Variants in CDH9 observed in about 807,000 individuals in gnomAD.
The protein encoded by CDH9 is cadherin 9, also known as cadherin-9.
A neutral mutation model predicts 70.9 loss-of-function variants in CDH9; 28 were observed. The ratio of observed to expected loss-of-function variants is 0.40; its 90% confidence interval spans 0.29 to 0.54. The LOEUF is 0.54. Among genes scored for constraint, CDH9 ranks in the 20% least tolerant of loss-of-function variants. CDH9 has a pLI of 0.59. For missense variants in CDH9, 874 were observed against 984.4 expected, an observed-to-expected ratio of 0.89 and a Z score of 1.50; for synonymous variants, 409 against 343.1, an observed-to-expected ratio of 1.19 and a Z score of -2.12.
At chr5:27,017,804 C>T (rs982771798) in intron 1 of CDH9, among the ~76,000 whole-genome samples, 1 of 152,088 alleles carries the variant, frequency 6.6e-6, no homozygotes, top group African/African-American at 2.4e-5. Flanking sequence ...TAGAAGCTGG[C>T]AGGAATCCAG....
intron 2 of CDH9, among the ~76,000 whole-genome samples, chr5:26,986,483 G>A (rs1742490233): frequency 6.6e-6 from 1 of 152,074 alleles, no homozygotes; most frequent in African/African-American, 2.4e-5. Flanking sequence ...GAACAAGAAT[G>A]GTGGTCAATT....
At chr5:26,884,378 T>C (rs1372492756) in intron 11 of CDH9, among the ~76,000 whole-genome samples, 2 of 152,180 alleles carry the variant, frequency 1.3e-5, no homozygotes, top group African/African-American at 4.8e-5. Flanking sequence ...CATGTTGTTC[T>C]AAATTAGGAA....
intron 1 of CDH9, among the ~76,000 whole-genome samples, chr5:27,020,190 G>A (rs1235165717): frequency 4.6e-5 from 7 of 151,548 alleles, no homozygotes; most frequent in Non-Finnish European, 1.0e-4. Context: ...TACAAATAAT[G>A]CCATGTCAAT....
chr5:27,030,348 CTT>C (rs3841122), intron 1 of CDH9, among the ~76,000 whole-genome samples: 1 of 150,834 alleles, frequency 6.6e-6, no homozygotes, highest in Non-Finnish European at 1.5e-5. Context: ...GAAAAAGCCA[CTT>C]TTTTTTTAGC....
chr5:26,945,398 ATCT>A (rs1741735286), intron 2 of CDH9, among the ~76,000 whole-genome samples: 1 of 152,138 alleles, frequency 6.6e-6, no homozygotes, highest in African/African-American at 2.4e-5. Context: ...AAAAAGGCTA[ATCT>A]TCATTTAAAT....
chr5:26,911,922 G>A (rs1449095900), intron 3 of CDH9, among the ~76,000 whole-genome samples: 1 of 152,034 alleles, frequency 6.6e-6, no homozygotes, highest in East Asian at 1.9e-4. Context: ...AACTGAAGCA[G>A]AGGGAAACAA....
Position 26,890,463 on chromosome 5 carries a change from G to A in CDH9, c.1355C>T (p.Pro452Leu), listed in dbSNP as rs762037380. The A allele has an allele frequency of 3.7e-6, 6 of 1,613,544 alleles. No individual in the cohort carries two copies. Among genetic ancestry groups the A allele is most frequent in the Non-Finnish European group, 5.1e-6 (6 of 1,179,528 alleles). ...GGCTGTAACAGTGATGTTATGCCAA[G>A]GAGATGATTCCCGGTCAAGGGCTTT... is the stretch of plus-strand genomic sequence containing the variant. ...TLKALDRESS[P>L]WHNITVTATE... The change falls in exon 8 of 12, where the codon CCT becomes CTT. Residue 452 changes from proline to leucine, a missense_variant. Transcript: ENST00000231021.
In CDH9 at chr5:26,979,407, A is replaced by T. The variant is rs116477995; in HGVS notation, c.228+8699T>A. Among the ~76,000 whole-genome samples the T allele has an allele frequency of 3.6e-3, 546 of 151,518 alleles. 7 individuals carry two copies. Among genetic ancestry groups the T allele is most frequent in the African/African-American group, 0.013 (526 of 41,404 alleles). On this transcript the variant is annotated intron_variant, in intron 2 of 11. Transcript: ENST00000231021. The stretch of plus-strand genomic sequence containing the variant: ...TAGCCAATAAAGAGCATAAACATAG[A>T]TGTTTAAAAAAATGATTAATTGTTC...
Position 26,881,628 on chromosome 5 carries a change from T to C in CDH9, c.1883-5A>G. ...CAGCAAACAACACGACTAAAACTAT[T>C]AATAAGAAATGGGAAAATAGTGAGA... On this transcript the variant is annotated splice_polypyrimidine_tract_variant and splice_region_variant and intron_variant, in intron 11 of 11. Coordinates refer to ENST00000231021, the MANE Select transcript of CDH9 (RefSeq NM_016279.4). 6.3e-7 allele frequency: 1 copy of C among 1,595,242 alleles called. No homozygotes were observed. Among genetic ancestry groups the C allele is most frequent in the Non-Finnish European group, 8.5e-7 (1 of 1,174,530 alleles).
intron 2 of CDH9, among the ~76,000 whole-genome samples, chr5:26,953,875 A>G (rs955879241): frequency 3.3e-5 from 5 of 152,286 alleles, no homozygotes; most frequent in Admixed American, 3.3e-4. Context: ...CCTTTTCAAA[A>G]TATGAATCAG....
At chr5:26,920,377 T>C (rs1232654509) in intron 2 of CDH9, among the ~76,000 whole-genome samples, 3 of 151,914 alleles carry the variant, frequency 2.0e-5, no homozygotes, top group Non-Finnish European at 2.9e-5. Context: ...ATTTATAAGG[T>C]TCCTGACTTC....
chr5:27,014,279 C>G (rs1431605468), intron 1 of CDH9, among the ~76,000 whole-genome samples: 3 of 152,000 alleles, frequency 2.0e-5, no homozygotes, highest in African/African-American at 7.2e-5. Flanking sequence ...GTGCCCCCAG[C>G]ATTTCTGAAG....
At chr5:26,921,773 G>A (rs1741248230) in intron 2 of CDH9, among the ~76,000 whole-genome samples, 1 of 151,974 alleles carries the variant, frequency 6.6e-6, no homozygotes, top group South Asian at 2.1e-4. Context: ...TTCCAAGTGA[G>A]TCTAAGAACC....
chr5:26,963,765 T>C (rs894576943), intron 2 of CDH9, among the ~76,000 whole-genome samples: 2 of 152,136 alleles, frequency 1.3e-5, no homozygotes, highest in Non-Finnish European at 2.9e-5. Flanking sequence ...TCAATGGATA[T>C]TATGATGTAA....
At chr5:26,955,493 G>A (rs562993982) in intron 2 of CDH9, among the ~76,000 whole-genome samples, 9 of 151,906 alleles carry the variant, frequency 5.9e-5, no homozygotes, top group African/African-American at 1.9e-4. Flanking sequence ...TCCTTGGCTC[G>A]TAGCCCCATT....
intron 1 of CDH9, among the ~76,000 whole-genome samples, chr5:27,019,091 C>A (rs956750798): frequency 6.6e-6 from 1 of 151,188 alleles, no homozygotes; most frequent in East Asian, 1.9e-4. Context: ...GGGAGGAATC[C>A]CAAAAAAAGT....
chr5:26,906,066 A>G lies in CDH9; in HGVS notation c.704T>C (p.Val235Ala). The change falls in exon 5 of 12, where the codon GTT becomes GCT. Residue 235 changes from valine to alanine, a missense_variant. By Grantham distance (64) the Val-to-Ala change is moderately conservative. Coordinates refer to ENST00000231021, the MANE Select transcript of CDH9 (RefSeq NM_016279.4). Reference sequence around the variant, plus strand: ...GCCACCCATGTCTTTGGCCTGTATAACAACCTGGTACTGCTCTCTATTTTC... The same window carrying G: ...GCCACCCATGTCTTTGGCCTGTATAGCAACCTGGTACTGCTCTCTATTTTC... ...SRENREQYQV[V>A]IQAKDMGGQM... 1 of 1,613,890 alleles carries G rather than the reference A, an allele frequency of 6.2e-7. No homozygotes were observed. The highest frequency in any genetic ancestry group is 1.1e-5 in the South Asian group (1 of 91,078).
At chr5:26,883,588 T>C (rs1329282547) in intron 11 of CDH9, among the ~76,000 whole-genome samples, 2 of 152,106 alleles carry the variant, frequency 1.3e-5, no homozygotes, top group African/African-American at 2.4e-5. Context: ...CATATTGCAT[T>C]ACAGTTTGAC....
chr5:27,015,408 A>G (rs1390154914), intron 1 of CDH9, among the ~76,000 whole-genome samples: 1 of 151,820 alleles, frequency 6.6e-6, no homozygotes, highest in East Asian at 1.9e-4. Flanking sequence ...TCTTGTGCAT[A>G]CTTCTCTGAA....
Sources: allele counts gnomAD v4.1 joint callset (sites outside exome capture counted in the v4.1 genomes callset), GRCh38; gene constraint gnomAD v4.1.1; transcripts MANE v1.5; gene names NCBI Gene and HGNC (gene_info 2026-07-23, HGNC 2026-07-21).